The following NHSL1 variants were observed in gnomAD, a reference collection of about 807,000 sequenced individuals.
The protein encoded by NHSL1 is NHS like 1, also known as NHS-like protein 1.
NHSL1 carries 48 observed loss-of-function variants against 95.0 expected under a neutral mutation model. That is an observed-to-expected ratio of 0.51 (90% CI 0.40 to 0.64). The LOEUF (loss-of-function observed/expected upper bound fraction) is 0.64. Ranked by LOEUF, NHSL1 falls within the 30% of genes least tolerant of loss-of-function variation. The probability of loss-of-function intolerance (pLI) is 0.00; values close to 1 mark genes in which losing one functional copy is unlikely to be tolerated. For synonymous variants in NHSL1, 783 were observed against 833.9 expected (o/e 0.94, Z 1.05); for missense variants, 1,971 against 2,077.7 (o/e 0.95, Z 1.00).
chr6:138,537,009 C>G (rs1782381304), intron 1 of NHSL1, among the ~76,000 whole-genome samples: 1 of 152,186 alleles, frequency 6.6e-6, no homozygotes, highest in African/African-American at 2.4e-5. Flanking sequence ...GTACAGCAGT[C>G]AACCTAAAAT....
chr6:138,478,109 G>A (rs1043092880), intron 2 of NHSL1, among the ~76,000 whole-genome samples: 4 of 132,340 alleles, frequency 3.0e-5, no homozygotes, highest in Non-Finnish European at 6.1e-5. Flanking sequence ...TGCCTCCCAG[G>A]TTCAAGCGAT....
At chr6:138,669,178 G>A (rs1192055113) in intron 1 of NHSL1, among the ~76,000 whole-genome samples, 1 of 152,050 alleles carries the variant, frequency 6.6e-6, no homozygotes, top group Non-Finnish European at 1.5e-5. Context: ...CATAGAAAGT[G>A]TCCTGGAGTT....
At chr6:138,600,543 G>T (rs1298668649) in intron 1 of NHSL1, among the ~76,000 whole-genome samples, 1 of 152,068 alleles carries the variant, frequency 6.6e-6, no homozygotes, top group Non-Finnish European at 1.5e-5. Flanking sequence ...CTTTTACTTT[G>T]TAACCAAAAG....
At chr6:138,569,890 A>C (rs760033188) in intron 1 of NHSL1, among the ~76,000 whole-genome samples, 9 of 152,248 alleles carry the variant, frequency 5.9e-5, no homozygotes, top group Non-Finnish European at 8.8e-5. Context: ...TAAAAAAAAA[A>C]ACACATAAAC....
intron 2 of NHSL1, among the ~76,000 whole-genome samples, chr6:138,478,505 A>G (rs1193696041): frequency 6.6e-6 from 1 of 152,164 alleles, no homozygotes; most frequent in African/African-American, 2.4e-5. Flanking sequence ...AACAGAGCTC[A>G]GGTTCTAAAA....
At chr6:138,668,616 AT>A (rs940527753) in intron 1 of NHSL1, among the ~76,000 whole-genome samples, 6 of 149,504 alleles carry the variant, frequency 4.0e-5, no homozygotes, top group South Asian at 2.1e-4. Context: ...AAAACAAGAA[AT>A]TTTTTTTTCT....
At chr6:138,464,017 T>C (rs913084713) in intron 3 of NHSL1, 10 of 333,020 alleles carry the variant, frequency 3.0e-5, no homozygotes, top group African/African-American at 1.5e-4. Context: ...AGAACAATGC[T>C]TGGCATATTG....
At chr6:138,631,946 T>C (rs941313065) in intron 1 of NHSL1, among the ~76,000 whole-genome samples, 1 of 152,052 alleles carries the variant, frequency 6.6e-6, no homozygotes, top group African/African-American at 2.4e-5. Flanking sequence ...ACTTGGCTCT[T>C]GGACAGCATC....
At chr6:138,495,003 G>A (rs1780267519) in intron 2 of NHSL1, among the ~76,000 whole-genome samples, 1 of 152,154 alleles carries the variant, frequency 6.6e-6, no homozygotes, top group Non-Finnish European at 1.5e-5. Context: ...AGCATGTTGG[G>A]AGGCTGAGGT....
At chr6:138,552,737 G>A (rs1424774080) in intron 1 of NHSL1, among the ~76,000 whole-genome samples, 3 of 152,092 alleles carry the variant, frequency 2.0e-5, no homozygotes, top group Non-Finnish European at 4.4e-5. Flanking sequence ...GCCTCTTTCG[G>A]TTGCCCTTAG....
At chr6:138,655,634 C>T (rs1785146889) in intron 1 of NHSL1, among the ~76,000 whole-genome samples, 1 of 152,096 alleles carries the variant, frequency 6.6e-6, no homozygotes, top group South Asian at 2.1e-4. Context: ...TACAATTGTC[C>T]TTTACTTGCT....
chr6:138,451,434 C>G (rs1404693967), intron 3 of NHSL1, among the ~76,000 whole-genome samples: 1 of 151,994 alleles, frequency 6.6e-6, no homozygotes, highest in Non-Finnish European at 1.5e-5. Context: ...CTTTTTTTCT[C>G]TTTAGTACAT....
chr6:138,447,264 T>C, intron 3 of NHSL1, 71 bp from the exon 4 acceptor site: 1 of 1,297,356 alleles, frequency 7.7e-7, no homozygotes, highest in Non-Finnish European at 1.1e-6. Flanking sequence ...ATATATTTCT[T>C]ATTTTTAAAA....
chr6:138,636,665 T>C (rs553365272), intron 1 of NHSL1, among the ~76,000 whole-genome samples: 48 of 152,274 alleles, frequency 3.2e-4, no homozygotes, highest in Admixed American at 1.4e-3. Context: ...CCATTCACAA[T>C]AGCCACACTG....
rs117704929 is a variant in NHSL1 at position 138,461,040 on chromosome 6, A to C, written c.339+12266T>G. Among the ~76,000 whole-genome samples, 367 of 152,282 alleles carry C rather than the reference A, an allele frequency of 2.4e-3. 15 individuals are homozygous for C. In the East Asian group the frequency reaches 0.057, roughly 24 times the overall value. On this transcript the variant is annotated intron_variant, in intron 3 of 7. Coordinates refer to ENST00000343505, the MANE Select transcript of NHSL1 (RefSeq NM_001144060.2). ...ATTGGTAATCCTACAGAAGTTGCCG[A>C]AGGTGCGAGAAAAAGAAAAGAATTG... is the stretch of plus-strand genomic sequence containing the variant.
intron 2 of NHSL1, among the ~76,000 whole-genome samples, chr6:138,493,218 T>C (rs546301025): frequency 6.6e-6 from 1 of 152,374 alleles, no homozygotes; most frequent in South Asian, 2.1e-4. Context: ...ACGAAGTTTT[T>C]AAATCCAGAC....
chr6:138,497,081 C>T (rs1583305096), intron 1 of NHSL1, among the ~76,000 whole-genome samples: 2 of 152,140 alleles, frequency 1.3e-5, no homozygotes, highest in Admixed American at 1.3e-4. Flanking sequence ...CAGAAGAGAC[C>T]AAGACATTAG....
intron 1 of NHSL1, among the ~76,000 whole-genome samples, chr6:138,537,763 CT>C (rs759450800): frequency 1.3e-5 from 2 of 152,134 alleles, no homozygotes; most frequent in Non-Finnish European, 2.9e-5. Context: ...CAGGGAAACC[CT>C]TTACAAAGTC....
At chr6:138,540,747 C>T (rs1376162874) in intron 1 of NHSL1, among the ~76,000 whole-genome samples, 5 of 152,192 alleles carry the variant, frequency 3.3e-5, no homozygotes, top group Non-Finnish European at 7.3e-5. Flanking sequence ...AACTTAAAGG[C>T]CTTCCTAAAT....
Sources: allele counts gnomAD v4.1 joint callset (sites outside exome capture counted in the v4.1 genomes callset), GRCh38; gene constraint gnomAD v4.1.1; transcripts MANE v1.5; gene names NCBI Gene and HGNC (gene_info 2026-07-23, HGNC 2026-07-21).